MOSPD1: variants seen among roughly 807,000 people sequenced by gnomAD.
The protein encoded by MOSPD1 is motile sperm domain containing 1.
A neutral mutation model predicts 16.7 loss-of-function variants in MOSPD1; 5 were observed. The ratio of observed to expected loss-of-function variants is 0.30; its 90% CI spans 0.16 to 0.63. The LOEUF is 0.63. Among genes scored for constraint, MOSPD1 ranks in the 30% least tolerant of loss-of-function variants. The probability of loss-of-function intolerance (pLI) is 0.82; values close to 1 mark genes in which losing one functional copy is unlikely to be tolerated. For synonymous variants in MOSPD1, 67 were observed against 59.2 expected (o/e 1.13, Z -0.61); for missense variants, 104 against 153.6 (o/e 0.68, Z 1.71).
chrX:134,905,389 G>A (rs1489706136), intron 1 of MOSPD1, among the ~76,000 whole-genome samples: 1 of 95,793 alleles, frequency 1.0e-5, no homozygotes, highest in East Asian at 3.4e-4. Context: ...AAAAAAAAAG[G>A]GGAGATAAGA....
chrX:134,899,014 T>C, intron 3 of MOSPD1, 76 bp downstream of exon 3: 1 of 886,656 alleles, frequency 1.1e-6, no homozygotes, highest in Non-Finnish European at 1.6e-6. Context: ...TTCAAGAAAA[T>C]ATCTTTTTTT....
intron 1 of MOSPD1, among the ~76,000 whole-genome samples, chrX:134,913,339 A>T (rs1371892811): frequency 9.0e-6 from 1 of 110,833 alleles, no homozygotes; most frequent in Non-Finnish European, 1.9e-5. Context: ...GCACCACTGC[A>T]CTATAGCCTG....
chrX:134,903,570 G>A (rs965064957), intron 1 of MOSPD1, among the ~76,000 whole-genome samples: 4 of 108,551 alleles, frequency 3.7e-5, no homozygotes, highest in African/African-American at 1.3e-4. Flanking sequence ...AAATTAGCCA[G>A]GCGTGGTGGC....
intron 1 of MOSPD1, among the ~76,000 whole-genome samples, chrX:134,902,109 A>G (rs2082914033): frequency 8.9e-6 from 1 of 111,795 alleles, no homozygotes; most frequent in Non-Finnish European, 1.9e-5. Context: ...AGACAAAAAC[A>G]AAAACAAGGT....
chrX:134,892,566 T>G (rs1466859775), intron 4 of MOSPD1, among the ~76,000 whole-genome samples: 3 of 112,222 alleles, frequency 2.7e-5, no homozygotes, highest in African/African-American at 9.7e-5. Flanking sequence ...AGAGAGTAGA[T>G]CTCATGTTAA....
At chrX:134,890,113 G>A (rs1396747291) in intron 5 of MOSPD1, among the ~76,000 whole-genome samples, 3 of 107,722 alleles carry the variant, frequency 2.8e-5, no homozygotes, top group Non-Finnish European at 5.8e-5. Flanking sequence ...GAAAGAGAGA[G>A]AGAACGAGGA....
At chrX:134,897,364 C>T (rs2082890175) in intron 3 of MOSPD1, among the ~76,000 whole-genome samples, 1 of 108,269 alleles carries the variant, frequency 9.2e-6, no homozygotes, top group African/African-American at 3.4e-5. Context: ...AGTTTGAGAC[C>T]AGCCTATGCA....
rs141707863 is a variant in MOSPD1 at position 134,894,122 on chromosome X, T to C, written c.449-2482A>G. On this transcript the variant is annotated intron_variant, in intron 4 of 5. Coordinates refer to ENST00000370783, the MANE Select transcript of MOSPD1 (RefSeq NM_019556.3). ...AAACTCACAAAATATACTCACAAAA[T>C]GTACTTATGCACATAGGCAAGGTCT... Among the ~76,000 whole-genome samples, 237 of 112,386 alleles carry C rather than the reference T, an allele frequency of 2.1e-3. No individual in the cohort carries two copies. The South Asian group carries it at 0.028, about 13-fold the overall frequency.
At chrX:134,889,796 C>T (rs1325664371) in intron 5 of MOSPD1, among the ~76,000 whole-genome samples, 1 of 111,455 alleles carries the variant, frequency 9.0e-6, no homozygotes, top group Non-Finnish European at 1.9e-5. Context: ...AGGGGCTAGG[C>T]ATGGTGGCTC....
intron 1 of MOSPD1, among the ~76,000 whole-genome samples, chrX:134,901,148 A>G (rs1372296714): frequency 8.9e-6 from 1 of 111,984 alleles, no homozygotes; most frequent in Non-Finnish European, 1.9e-5. Context: ...TCAGCTGGAC[A>G]TCTATTATAT....
At chrX:134,914,565 C>G (rs2082988858) in intron 1 of MOSPD1, among the ~76,000 whole-genome samples, 2 of 111,196 alleles carry the variant, frequency 1.8e-5, no homozygotes, top group African/African-American at 3.3e-5. Context: ...ACAGGCCACG[C>G]ACCCCCTACA....
intron 4 of MOSPD1, among the ~76,000 whole-genome samples, chrX:134,893,106 C>G (rs189864641): frequency 6.7e-4 from 75 of 111,470 alleles, no homozygotes; most frequent in African/African-American, 2.1e-3. Flanking sequence ...GCTGTTCATT[C>G]TATTATTAAA....
intron 4 of MOSPD1, 99 bp downstream of exon 4, chrX:134,896,718 G>C: frequency 1.6e-6 from 1 of 610,684 alleles, no homozygotes; most frequent in South Asian, 2.9e-5. Context: ...GTTTGAAGTG[G>C]TAGATGATTT....
chrX:134,907,954 G>A (rs1183212549), intron 1 of MOSPD1, among the ~76,000 whole-genome samples: 1 of 112,155 alleles, frequency 8.9e-6, no homozygotes, highest in East Asian at 2.8e-4. Context: ...AAAAATTTAT[G>A]TAGAGACAGG....
chrX:134,910,347 G>A (rs896364962), intron 1 of MOSPD1, among the ~76,000 whole-genome samples: 3 of 110,535 alleles, frequency 2.7e-5, no homozygotes, highest in Non-Finnish European at 3.8e-5. Flanking sequence ...GGAGGTTGCA[G>A]TGAGCCAAGA....
chrX:134,908,998 T>C (rs1466206014), intron 1 of MOSPD1, among the ~76,000 whole-genome samples: 1 of 110,042 alleles, frequency 9.1e-6, no homozygotes, highest in Non-Finnish European at 1.9e-5. Context: ...CCGGGCGCGG[T>C]GGCTCACGCC....
At chrX:134,912,567 C>T (rs185566231) in intron 1 of MOSPD1, among the ~76,000 whole-genome samples, 250 of 109,379 alleles carry the variant, frequency 2.3e-3, no homozygotes, top group Non-Finnish European at 3.9e-3. Flanking sequence ...CTTGATCTCC[C>T]GGGTTCAAGC....
chrX:134,912,478 CT>C (rs1217375631), intron 1 of MOSPD1, among the ~76,000 whole-genome samples: 1 of 108,663 alleles, frequency 9.2e-6, no homozygotes, highest in African/African-American at 3.3e-5. Flanking sequence ...CACTCCCCAC[CT>C]TTTTTTTCTT....
chrX:134,908,571 C>T (rs900036621), intron 1 of MOSPD1, among the ~76,000 whole-genome samples: 2 of 112,081 alleles, frequency 1.8e-5, no homozygotes, highest in African/African-American at 6.5e-5. Context: ...AGGCAGAGAG[C>T]GCAGCTGAGA....
Sources: allele counts gnomAD v4.1 joint callset (sites outside exome capture counted in the v4.1 genomes callset), GRCh38; gene constraint gnomAD v4.1.1; transcripts MANE v1.5; gene names NCBI Gene and HGNC (gene_info 2026-07-23, HGNC 2026-07-21).